Variants in SRBD1 observed in about 807,000 individuals in gnomAD.
The protein encoded by SRBD1 is S1 RNA-binding domain-containing protein 1.
A neutral mutation model predicts 115.3 loss-of-function variants in SRBD1; 88 were observed. That is an observed-to-expected ratio of 0.76 (90% CI 0.64 to 0.91). The LOEUF (loss-of-function observed/expected upper bound fraction) is 0.91, where lower values mean the gene tolerates loss of function less well. Ranked by LOEUF, SRBD1 falls within the 40% of genes least tolerant of loss-of-function variation. The pLI, the probability that SRBD1 is intolerant of heterozygous loss-of-function variation, is 0.00. For synonymous variants in SRBD1, 509 were observed against 407.7 expected, an observed-to-expected ratio of 1.25 and a Z score of -2.99; for missense variants, 1,385 against 1,177.4, an observed-to-expected ratio of 1.18 and a Z score of -2.58.
rs1672284137 is a variant in SRBD1 at position 45,551,117 on chromosome 2, C to T, written c.1675+8G>A. The T allele has an allele frequency of 3.2e-6, 5 of 1,583,942 alleles. No homozygotes were observed. In the African/African-American group the frequency reaches 6.8e-5, roughly 22 times the overall value. On this transcript the variant is annotated splice_region_variant and intron_variant, in intron 12 of 20. Transcript: ENST00000263736. ...AACTTTTACATGGAAAATTGCAAGA[C>T]AACTTACTAGTAGGAGAAATTATAG...
At chr2:45,498,228 C>T (rs935725678) in intron 14 of SRBD1, among the ~76,000 whole-genome samples, 9 of 151,946 alleles carry the variant, frequency 5.9e-5, no homozygotes, top group Non-Finnish European at 1.2e-4. Context: ...ATCTATTCTG[C>T]CCATTTTTAA....
chr2:45,562,528 G>A (rs909778935), intron 10 of SRBD1, 125 bp downstream of exon 10: 53 of 695,780 alleles, frequency 7.6e-5, no homozygotes, highest in South Asian at 1.9e-4. Flanking sequence ...CACCGCGCCC[G>A]GCCTGTCACT....
intron 16 of SRBD1, among the ~76,000 whole-genome samples, chr2:45,475,860 G>C (rs530350550): frequency 6.6e-6 from 1 of 152,096 alleles, no homozygotes; most frequent in Non-Finnish European, 1.5e-5. Context: ...CACCATACCC[G>C]GCTAATTTTT....
intron 16 of SRBD1, among the ~76,000 whole-genome samples, chr2:45,453,079 A>C (rs1669043457): frequency 6.6e-6 from 1 of 151,888 alleles, no homozygotes; most frequent in Non-Finnish European, 1.5e-5. Context: ...AATTTGTGAA[A>C]GAATTCTAGC....
chr2:45,555,810 GC>G (rs1407147992), intron 10 of SRBD1, among the ~76,000 whole-genome samples: 1 of 152,042 alleles, frequency 6.6e-6, no homozygotes, highest in Non-Finnish European at 1.5e-5. Context: ...TCTTTTCTCT[GC>G]TACAAACCCT....
At chr2:45,477,097 A>G in intron 15 of SRBD1, 22 bp from the exon 16 acceptor site, 2 of 1,597,590 alleles carry the variant, frequency 1.3e-6, no homozygotes, top group African/African-American at 1.3e-5. Flanking sequence ...GAATCAGAAA[A>G]CAAGTATGAC....
At chr2:45,511,582 T>C (rs375337077) in intron 14 of SRBD1, among the ~76,000 whole-genome samples, 20 of 152,350 alleles carry the variant, frequency 1.3e-4, no homozygotes, top group African/African-American at 4.8e-4. Context: ...GTTTACGGTT[T>C]GGCAAAAATC....
In SRBD1 at chr2:45,465,918, A is replaced by C. The variant is rs1669473139; in HGVS notation, c.2049+11075T>G. 3.3e-5 allele frequency among the ~76,000 whole-genome samples: 5 copies of C among 152,274 alleles called. No homozygotes were observed. In the South Asian group the frequency reaches 1.0e-3, roughly 32 times the overall value. On this transcript the variant is annotated intron_variant, in intron 16 of 20. Coordinates refer to ENST00000263736, the MANE Select transcript of SRBD1 (RefSeq NM_018079.5). ...TCAACAAAAATTTGGAGAGGCTGCA[A>C]AATTTTATGGTGTGTTTATAATAAA...
intron 12 of SRBD1, 70 bp from the exon 13 acceptor site, chr2:45,547,682 A>G: frequency 7.5e-7 from 1 of 1,333,450 alleles, no homozygotes; most frequent in Middle Eastern, 1.9e-4. Context: ...TGATTTTGTT[A>G]AGCAAGTTGT....
At chr2:45,513,001 C>G (rs1264948618) in intron 14 of SRBD1, among the ~76,000 whole-genome samples, 1 of 152,116 alleles carries the variant, frequency 6.6e-6, no homozygotes, top group Non-Finnish European at 1.5e-5. Context: ...CCCCAGAACA[C>G]ATGCCCCTCT....
chr2:45,599,476 C>T lies in SRBD1; in HGVS notation c.621G>A (p.Glu207=), dbSNP rs779892265. ...FPANANSTKE[E]VEMNWDMVQV... ...GTACCATGTCCCAATTCATTTCCAC[C>T]TCCTCTTTAGTACTATTGGCATTTG... is the stretch of plus-strand genomic sequence containing the variant. Residue 207 remains glutamate, a synonymous_variant, in exon 4 of 21, where the codon GAG becomes GAA. Coordinates refer to ENST00000263736, the MANE Select transcript of SRBD1 (RefSeq NM_018079.5). 1 of 1,613,980 alleles carries T rather than the reference C, an allele frequency of 6.2e-7. No homozygotes were observed.
chr2:45,605,283 T>G (rs915029604), intron 2 of SRBD1, 79 bp downstream of exon 2: 5 of 1,404,044 alleles, frequency 3.6e-6, no homozygotes, highest in Non-Finnish European at 4.9e-6. Context: ...ACTTAAGGAG[T>G]TAGAAAGTGA....
At chr2:45,401,013 T>C (rs1048747917) in intron 19 of SRBD1, among the ~76,000 whole-genome samples, 2 of 152,200 alleles carry the variant, frequency 1.3e-5, no homozygotes, top group African/African-American at 4.8e-5. Flanking sequence ...ACATTGGATA[T>C]GACAATCAAT....
At chr2:45,591,164 A>G (rs868554229) in intron 4 of SRBD1, among the ~76,000 whole-genome samples, 3 of 152,222 alleles carry the variant, frequency 2.0e-5, no homozygotes, top group South Asian at 2.1e-4. Context: ...TAACATTCCC[A>G]TTGTAAAACC....
At chr2:45,467,629 A>G (rs1669529888) in intron 16 of SRBD1, among the ~76,000 whole-genome samples, 1 of 152,164 alleles carries the variant, frequency 6.6e-6, no homozygotes, top group South Asian at 2.1e-4. Context: ...ATGAGATAAG[A>G]TATTTTTTAA....
intron 14 of SRBD1, among the ~76,000 whole-genome samples, chr2:45,523,512 G>A (rs183502132): frequency 7.2e-5 from 11 of 151,746 alleles, no homozygotes; most frequent in Admixed American, 5.9e-4. Flanking sequence ...AAATGAACAG[G>A]GGACATTATT....
intron 14 of SRBD1, among the ~76,000 whole-genome samples, chr2:45,501,039 T>C (rs1209006949): frequency 2.0e-5 from 3 of 152,172 alleles, no homozygotes; most frequent in Admixed American, 6.5e-5. Context: ...GACTTTATTG[T>C]GTTGAGGTAT....
At chr2:45,424,172 T>C (rs1668085826) in intron 16 of SRBD1, among the ~76,000 whole-genome samples, 2 of 152,132 alleles carry the variant, frequency 1.3e-5, no homozygotes, top group African/African-American at 4.8e-5. Context: ...CACAGCATTT[T>C]CTTCCCAATC....
At chr2:45,475,545 T>G (rs537009514) in intron 16 of SRBD1, among the ~76,000 whole-genome samples, 1 of 152,206 alleles carries the variant, frequency 6.6e-6, no homozygotes, top group Non-Finnish European at 1.5e-5. Context: ...TACTTAAAGA[T>G]CTCTTTGAAG....
Sources: gnomAD v4.1 joint callset for allele counts (sites outside exome capture counted in the v4.1 genomes callset) on GRCh38, gnomAD v4.1.1 for gene constraint, MANE v1.5 for transcripts, NCBI Gene and HGNC (gene_info 2026-07-23, HGNC 2026-07-21) for gene names.